Variants in ZCCHC4 observed in about 807,000 individuals in gnomAD.
ZCCHC4 encodes the protein rRNA N(6)-adenosine-methyltransferase ZCCHC4.
A neutral mutation model predicts 67.7 loss-of-function variants in ZCCHC4; 54 were observed. The ratio of observed to expected loss-of-function variants is 0.80; its 90% CI spans 0.64 to 1.00. The LOEUF (loss-of-function observed/expected upper bound fraction) is 1.00. Ranked by LOEUF, ZCCHC4 falls within the 50% of genes least tolerant of loss-of-function variation. The pLI is 0.00. For missense variants in ZCCHC4, 609 were observed against 617.0 expected (o/e 0.99, Z 0.14); for synonymous variants, 198 against 213.5 (o/e 0.93, Z 0.63).
chr4:25,352,241 T>C (rs1305003056), intron 8 of ZCCHC4: 5 of 985,304 alleles, frequency 5.1e-6, no homozygotes, highest in Non-Finnish European at 4.8e-6. Flanking sequence ...GCAATGACTA[T>C]GGAATTTTCC....
chr4:25,319,179 C>T (rs112274128), intron 3 of ZCCHC4, among the ~76,000 whole-genome samples: 1 of 151,952 alleles, frequency 6.6e-6, no homozygotes, highest in East Asian at 1.9e-4. Context: ...GTCAGGAGAT[C>T]GAGACCATCC....
intron 5 of ZCCHC4, among the ~76,000 whole-genome samples, chr4:25,342,567 C>T (rs1719807248): frequency 6.6e-6 from 1 of 152,168 alleles, no homozygotes; most frequent in Non-Finnish European, 1.5e-5. Flanking sequence ...ATTTCATGAA[C>T]TAATTTTATT....
intron 2 of ZCCHC4, among the ~76,000 whole-genome samples, 159 bp from the exon 3 acceptor site, chr4:25,315,159 C>T (rs994626667): frequency 6.6e-6 from 1 of 152,184 alleles, no homozygotes; most frequent in Non-Finnish European, 1.5e-5. Context: ...TCAAGCTGCT[C>T]TAGAATTTTC....
chr4:25,333,767 A>T (rs1719307798), intron 4 of ZCCHC4, 141 bp from the exon 5 acceptor site: 1 of 686,368 alleles, frequency 1.5e-6, no homozygotes, highest in East Asian at 2.9e-5. Context: ...TGAAACCTTG[A>T]TTATACCTGC....
intron 8 of ZCCHC4, among the ~76,000 whole-genome samples, chr4:25,354,457 T>C (rs1342386554): frequency 6.6e-6 from 1 of 152,212 alleles, no homozygotes; most frequent in Non-Finnish European, 1.5e-5. Flanking sequence ...AAATTTGTTT[T>C]TCCTAATTCC....
At chr4:25,313,721 A>T (rs1180994116) in intron 1 of ZCCHC4, among the ~76,000 whole-genome samples, 3 of 152,040 alleles carry the variant, frequency 2.0e-5, no homozygotes, top group African/African-American at 7.2e-5. Context: ...AAAAAAAGAA[A>T]AACAGCTGGG....
chr4:25,369,005 A>G (rs315690), intron 12 of ZCCHC4, 24 bp from the exon 13 acceptor site: 378,168 of 1,592,478 alleles, frequency 0.24, 48,309 homozygotes, highest in African/African-American at 0.51. Flanking sequence ...ATTCTGTGAA[A>G]TAATTTAGCA....
rs566030675 is a variant in ZCCHC4, at chr4:25,369,859, A to T, written c.*695A>T. The T allele has an allele frequency of 2.6e-5, 4 of 152,360 alleles. No homozygotes were observed. The highest frequency in any genetic ancestry group is 9.6e-5 in the African/African-American group (4 of 41,580). The allele number at this position is 152,360 out of a possible 1,614,324, so 9.4% of individuals were successfully genotyped here. On this transcript the variant is annotated 3_prime_UTR_variant, in exon 13 of 13. Coordinates refer to ENST00000302874, the MANE Select transcript of ZCCHC4 (RefSeq NM_024936.3). The stretch of plus-strand genomic sequence containing the variant: ...TTACCGTGAACATAAAAGTATGTTA[A>T]TTTAAATAGGAAAATATTTTATGTT...
chr4:25,318,707 T>G (rs1464891455), intron 3 of ZCCHC4, among the ~76,000 whole-genome samples: 1 of 152,148 alleles, frequency 6.6e-6, no homozygotes, highest in Non-Finnish European at 1.5e-5. Context: ...TTGATAAAAA[T>G]TTTTTTGAAA....
chr4:25,364,912 T>C, intron 11 of ZCCHC4, 110 bp from the exon 12 acceptor site: 2 of 1,445,782 alleles, frequency 1.4e-6, no homozygotes, highest in Admixed American at 2.2e-5. Flanking sequence ...CTGTGCAAAC[T>C]GGCCACAATA....
chr4:25,313,907 A>G (rs1007737091), intron 1 of ZCCHC4, 139 bp from the exon 2 acceptor site: 1 of 609,554 alleles, frequency 1.6e-6, no homozygotes, highest in African/African-American at 1.8e-5. Flanking sequence ...AAAAACAACC[A>G]ACCAAAGAGA....
At chr4:25,327,426 T>TTCCC (rs1560401361) in intron 3 of ZCCHC4, among the ~76,000 whole-genome samples, 1 of 87,548 alleles carries the variant, frequency 1.1e-5, no homozygotes, top group African/African-American at 5.7e-5. Context: ...CCTTCCCTCC[T>TTCCC]TCCCTCCTTC....
intron 3 of ZCCHC4, among the ~76,000 whole-genome samples, chr4:25,319,267 C>A (rs1718447440): frequency 1.3e-5 from 2 of 152,112 alleles, no homozygotes; most frequent in African/African-American, 4.8e-5. Flanking sequence ...CGCCTGTAGT[C>A]CCAGCTTCTC....
chr4:25,351,772 G>C, intron 8 of ZCCHC4, 83 bp downstream of exon 8: 1 of 1,264,638 alleles, frequency 7.9e-7, no homozygotes, highest in Non-Finnish European at 1.1e-6. Context: ...ATTGATTTTA[G>C]TAAAATACAA....
intron 3 of ZCCHC4, among the ~76,000 whole-genome samples, chr4:25,322,193 A>G (rs1718617816): frequency 6.6e-6 from 1 of 152,282 alleles, no homozygotes. Flanking sequence ...TTTTTGAGGT[A>G]GGGTCTTGCT....
intron 5 of ZCCHC4, among the ~76,000 whole-genome samples, chr4:25,338,658 C>T (rs184445863): frequency 1.0e-3 from 156 of 152,240 alleles, no homozygotes; most frequent in Non-Finnish European, 1.3e-3. Context: ...CTCTGTGTGG[C>T]CTTTTGTGTC....
At chr4:25,368,774 GC>G (rs1176882166) in intron 12 of ZCCHC4, among the ~76,000 whole-genome samples, 2 of 152,162 alleles carry the variant, frequency 1.3e-5, no homozygotes, top group African/African-American at 4.8e-5. Context: ...TGGTGTGTTT[GC>G]CCCGGACAGC....
intron 10 of ZCCHC4, among the ~76,000 whole-genome samples, chr4:25,363,255 G>A (rs1720823476): frequency 6.6e-6 from 1 of 152,128 alleles, no homozygotes; most frequent in South Asian, 2.1e-4. Context: ...ATATCACACA[G>A]TTGGAATCAT....
intron 8 of ZCCHC4, among the ~76,000 whole-genome samples, chr4:25,360,332 C>T (rs1347147037): frequency 2.6e-5 from 4 of 152,216 alleles, no homozygotes; most frequent in Admixed American, 2.6e-4. Flanking sequence ...GGTAGTTGAC[C>T]GGGGCACCCA....
Sources: allele counts gnomAD v4.1 joint callset (sites outside exome capture counted in the v4.1 genomes callset), GRCh38; gene constraint gnomAD v4.1.1; transcripts MANE v1.5; gene names NCBI Gene and HGNC (gene_info 2026-07-23, HGNC 2026-07-21).